Variants in DCC observed in about 807,000 individuals in gnomAD.
DCC encodes the protein DCC netrin 1 receptor.
Under a neutral mutation model 172.5 loss-of-function variants are expected in DCC, and 58 were observed. That is an observed-to-expected ratio of 0.34 (90% confidence interval 0.27 to 0.42). The LOEUF (loss-of-function observed/expected upper bound fraction) is 0.42. Among genes scored for constraint, DCC ranks in the 10% least tolerant of loss-of-function variants. The pLI is 1.00. For synonymous variants in DCC, 709 were observed against 644.5 expected, an observed-to-expected ratio of 1.10 and a Z score of -1.52; for missense variants, 1,740 against 1,791.0, an observed-to-expected ratio of 0.97 and a Z score of 0.51.
At chr18:52,653,909 G>A (rs1437377967) in intron 1 of DCC, among the ~76,000 whole-genome samples, 1 of 151,904 alleles carries the variant, frequency 6.6e-6, no homozygotes, top group Non-Finnish European at 1.5e-5. Context: ...CTCCTTTAAG[G>A]TTTAGAGCTC....
At chr18:53,095,560 A>T (rs1032411821) in intron 7 of DCC, among the ~76,000 whole-genome samples, 2 of 152,188 alleles carry the variant, frequency 1.3e-5, no homozygotes, top group Non-Finnish European at 1.5e-5. Flanking sequence ...GAAAGCATCA[A>T]TGAATTTCTT....
At chr18:52,473,106 T>G (rs1988993037) in intron 1 of DCC, among the ~76,000 whole-genome samples, 1 of 152,158 alleles carries the variant, frequency 6.6e-6, no homozygotes, top group Non-Finnish European at 1.5e-5. Context: ...TGAAATCCAC[T>G]CAATGTTTTC....
intron 22 of DCC, among the ~76,000 whole-genome samples, chr18:53,449,602 C>A (rs1017744975): frequency 3.3e-5 from 5 of 152,174 alleles, no homozygotes; most frequent in Non-Finnish European, 7.3e-5. Flanking sequence ...AGCAGTTTGT[C>A]TTTTACAGCA....
chr18:52,609,672 T>C (rs1430387788), intron 1 of DCC, among the ~76,000 whole-genome samples: 1 of 152,036 alleles, frequency 6.6e-6, no homozygotes, highest in Non-Finnish European at 1.5e-5. Flanking sequence ...GAATTTTCAA[T>C]CTATTATATG....
intron 1 of DCC, among the ~76,000 whole-genome samples, chr18:52,438,325 C>T (rs1987862366): frequency 6.6e-6 from 1 of 152,166 alleles, no homozygotes; most frequent in Admixed American, 6.5e-5. Context: ...TGGCTTTAAT[C>T]AAGAACATCC....
intron 14 of DCC, among the ~76,000 whole-genome samples, chr18:53,337,059 A>G (rs1450861781): frequency 3.3e-5 from 5 of 152,250 alleles, no homozygotes; most frequent in Admixed American, 6.5e-5. Flanking sequence ...TGGTGTACAC[A>G]TTACAATGAT....
chr18:52,427,285 G>T (rs1008556301), intron 1 of DCC, among the ~76,000 whole-genome samples: 1 of 152,058 alleles, frequency 6.6e-6, no homozygotes, highest in East Asian at 1.9e-4. Flanking sequence ...GCTAATGTTC[G>T]TTAAGATCAA....
chr18:53,444,314 G>A (rs1441223952), intron 22 of DCC, among the ~76,000 whole-genome samples: 1 of 152,088 alleles, frequency 6.6e-6, no homozygotes, highest in African/African-American at 2.4e-5. Flanking sequence ...AGCCAAGTTG[G>A]GCAGACCATT....
At chr18:52,453,653 A>G (rs1004348160) in intron 1 of DCC, among the ~76,000 whole-genome samples, 3 of 152,186 alleles carry the variant, frequency 2.0e-5, no homozygotes, top group Non-Finnish European at 4.4e-5. Context: ...TGTGCCTTTA[A>G]CCCTCTATTA....
At chr18:53,130,534 A>G (rs922214405) in intron 7 of DCC, among the ~76,000 whole-genome samples, 1 of 152,072 alleles carries the variant, frequency 6.6e-6, no homozygotes, top group Non-Finnish European at 1.5e-5. Context: ...CCCATGTGAT[A>G]CCTATTCTCT....
intron 1 of DCC, among the ~76,000 whole-genome samples, chr18:52,700,521 C>G (rs2036106795): frequency 6.6e-6 from 1 of 152,198 alleles, no homozygotes. Context: ...AAATTGCCCC[C>G]CACAGGCTCC....
Position 52,746,348 on chromosome 18 carries a change from T to C in DCC, c.92-5706T>C, listed in dbSNP as rs536274761. On this transcript the variant is annotated intron_variant, in intron 1 of 28. Coordinates refer to ENST00000442544, the MANE Select transcript of DCC (RefSeq NM_005215.4). ...GCATAGCAAGTTCTATGGGGATTTGTATGACATTTTCTAATCTCAAAATCT... is the reference window on the plus strand; with the variant it reads ...GCATAGCAAGTTCTATGGGGATTTGCATGACATTTTCTAATCTCAAAATCT... Among the ~76,000 whole-genome samples, 6 of 152,314 alleles carry C rather than the reference T, an allele frequency of 3.9e-5. No homozygotes were observed. In the South Asian group the frequency reaches 1.2e-3, roughly 32 times the overall value.
At chr18:52,842,462 T>C (rs2038822632) in intron 2 of DCC, among the ~76,000 whole-genome samples, 1 of 152,168 alleles carries the variant, frequency 6.6e-6, no homozygotes, top group Admixed American at 6.5e-5. Flanking sequence ...TCTTACTTCT[T>C]TTTGTTCTAT....
chr18:52,577,630 A>C (rs2033445505), intron 1 of DCC, among the ~76,000 whole-genome samples: 3 of 151,928 alleles, frequency 2.0e-5, no homozygotes, highest in African/African-American at 7.2e-5. Flanking sequence ...CTTCTTATTC[A>C]TCTCCCCTCC....
intron 12 of DCC, among the ~76,000 whole-genome samples, chr18:53,216,777 A>G (rs1047043914): frequency 1.3e-5 from 2 of 152,174 alleles, no homozygotes; most frequent in Admixed American, 1.3e-4. Context: ...TATTAAAGCA[A>G]ACATAAAATT....
intron 25 of DCC, among the ~76,000 whole-genome samples, chr18:53,483,080 T>C (rs965236011): frequency 1.3e-5 from 2 of 151,976 alleles, no homozygotes; most frequent in Non-Finnish European, 2.9e-5. Flanking sequence ...TCTCTAGCAC[T>C]GTCCTAGAAA....
intron 2 of DCC, among the ~76,000 whole-genome samples, chr18:52,900,896 A>C (rs1330980321): frequency 6.6e-6 from 1 of 152,180 alleles, no homozygotes; most frequent in African/African-American, 2.4e-5. Flanking sequence ...ATCACCAAAA[A>C]TTGTTTGTCT....
chr18:53,258,054 G>C (rs982591818), intron 12 of DCC, among the ~76,000 whole-genome samples: 23 of 152,014 alleles, frequency 1.5e-4, no homozygotes, highest in Non-Finnish European at 2.9e-4. Flanking sequence ...GATCGGTGGT[G>C]ATATCCCTTT....
intron 5 of DCC, among the ~76,000 whole-genome samples, chr18:53,031,663 TATA>T (rs959085176): frequency 5.3e-5 from 8 of 150,828 alleles, no homozygotes; most frequent in East Asian, 1.9e-4. Flanking sequence ...CAAAAATAAA[TATA>T]ATATTAGGGT....
Sources: gnomAD v4.1 joint callset for allele counts (sites outside exome capture counted in the v4.1 genomes callset) on GRCh38, gnomAD v4.1.1 for gene constraint, MANE v1.5 for transcripts, NCBI Gene and HGNC (gene_info 2026-07-23, HGNC 2026-07-21) for gene names.